Variants in TMEM186 observed in about 807,000 individuals in gnomAD.
TMEM186 encodes the protein chromosome 16 open reading frame 51.
In TMEM186, 2 loss-of-function variants were observed where a neutral mutation model predicts 2.5. The observed-to-expected ratio is 0.79, with a 90% CI of 0.32 to 2.50. TMEM186 has a LOEUF of 2.50. Ranked by LOEUF, TMEM186 falls within the 30% of genes most tolerant of loss-of-function variation. TMEM186 has a pLI of 0.11. For missense variants in TMEM186, 321 were observed against 276.5 expected (o/e 1.16, Z -1.14); for synonymous variants, 120 against 104.9 (o/e 1.14, Z -0.88).
Position 8,796,251 on chromosome 16 carries a change from T to C in TMEM186, c.343A>G (p.Thr115Ala), listed in dbSNP as rs747758715. ...LMSGISGFAL[T>A]MLCWMSYFLR... ...AAATAGCTCATCCAGCACAGCATGG[T>C]CAGGGCAAAGCCCGATATCCCACTC... Residue 115 changes from threonine to alanine, a missense_variant, in exon 2 of 2, where the codon ACC becomes GCC. Coordinates refer to ENST00000333050, the MANE Select transcript of TMEM186 (RefSeq NM_015421.4). The C allele has an allele frequency of 2.5e-6, 4 of 1,614,174 alleles. No homozygotes were observed. The African/African-American group carries it at 4.0e-5, about 16-fold the overall frequency.
chr16:8,796,330 T>C lies in TMEM186; in HGVS notation c.264A>G (p.Pro88=). The change falls in exon 2 of 2, where the codon CCA becomes CCG. Residue 88 remains proline, a synonymous_variant. Transcript: ENST00000333050. ...QTALTVVALP[P]GYYLYSQGLL... ...GGCCCTGGGAGTACAAGTAATAGCC[T>C]GGTGGCAAAGCTACCACTGTCAGGG... The C allele has an allele frequency of 1.2e-6, 2 of 1,614,236 alleles. No individual in the cohort carries two copies. Among genetic ancestry groups the C allele is most frequent in the Non-Finnish European group, 1.7e-6 (2 of 1,180,046 alleles).
At position 8,795,985 on chromosome 16, in the gene TMEM186, T is replaced by C. The variant is rs780212956; in HGVS notation, c.609A>G (p.Thr203=). The C allele has an allele frequency of 5.6e-5, 90 of 1,613,950 alleles. No homozygotes were observed. The highest frequency in any genetic ancestry group is 6.7e-5 in the Non-Finnish European group (79 of 1,179,962). The change falls in exon 2 of 2, where the codon ACA becomes ACG. Residue 203 remains threonine, a synonymous_variant. Coordinates refer to ENST00000333050, the MANE Select transcript of TMEM186 (RefSeq NM_015421.4). The stretch of plus-strand genomic sequence containing the variant: ...GCATCTGATGTACCCCAAACACCTG[T>C]GTGAAACGCTCTCTGTCCAGGATGC... ...YGRILDRERF[T]QVFGVHQMLK
chr16:8,797,133 T>C (rs2060581821), intron 1 of TMEM186, among the ~76,000 whole-genome samples: 1 of 152,200 alleles, frequency 6.6e-6, no homozygotes, highest in Non-Finnish European at 1.5e-5. Context: ...AACTGCTGCT[T>C]TCTCTTAGCC....
intron 1 of TMEM186, among the ~76,000 whole-genome samples, 184 bp downstream of exon 1, chr16:8,797,428 A>T (rs549363972): frequency 1.4e-5 from 2 of 140,694 alleles, no homozygotes; most frequent in Admixed American, 1.4e-4. Context: ...AGCTACTACT[A>T]CTGTGCGCAT....
At chr16:8,797,509 G>C (rs2060584339) in intron 1 of TMEM186, 103 bp downstream of exon 1, 1 of 1,417,228 alleles carries the variant, frequency 7.1e-7, no homozygotes, top group Admixed American at 2.1e-5. Flanking sequence ...TCCTCCCACG[G>C]ATCCTCGGAG....
chr16:8,795,968 T>C lies in TMEM186; in HGVS notation c.626A>G (p.His209Arg), dbSNP rs202141985. Residue 209 changes from histidine (H) to arginine (R), a missense_variant, in exon 2 of 2, where the codon CAT becomes CGT. Physicochemically the swap from His to Arg is conservative, Grantham distance 29. Coordinates refer to ENST00000333050, the MANE Select transcript of TMEM186 (RefSeq NM_015421.4). ...RERFTQVFGV[H>R]QMLK ...CCCAGTTGTTCACTTGAGCATCTGATGTACCCCAAACACCTGTGTGAAACG... is the reference window on the plus strand; with the variant it reads ...CCCAGTTGTTCACTTGAGCATCTGACGTACCCCAAACACCTGTGTGAAACG... The C allele has an allele frequency of 2.4e-5, 39 of 1,612,886 alleles. No homozygotes were observed. Among genetic ancestry groups the C allele is most frequent in the Admixed American group, 1.7e-5 (1 of 59,956 alleles).
At chr16:8,797,530 G>C (rs948870659) in intron 1 of TMEM186, 82 bp downstream of exon 1, 55 of 1,514,348 alleles carry the variant, frequency 3.6e-5, no homozygotes, top group Non-Finnish European at 4.4e-5. Flanking sequence ...TCCGAAACCC[G>C]AGCGTCGGGC....
Position 8,796,022 on chromosome 16 carries a change from A to T in TMEM186, c.572T>A (p.Leu191Gln). The change falls in exon 2 of 2, where the codon CTG (leucine) becomes CAG (glutamine). Residue 191 changes from leucine (L) to glutamine (Q), a missense_variant. By Grantham distance (113) the Leu-to-Gln change is moderately radical. Transcript: ENST00000333050. ...YSGKQTFYVT[L>Q]RYGRILDRER... ...TCTGTCCAGGATGCGTCCATAGCGCAGGGTGACGTAGAAGGTCTGTTTCCC... is the reference window on the plus strand; with the variant it reads ...TCTGTCCAGGATGCGTCCATAGCGCTGGGTGACGTAGAAGGTCTGTTTCCC... 6.2e-7 allele frequency: 1 copy of T among 1,614,216 alleles called. No individual in the cohort carries two copies. The highest frequency in any genetic ancestry group is 8.5e-7 in the Non-Finnish European group (1 of 1,180,036).
chr16:8,796,690 C>T, intron 1 of TMEM186, 100 bp from the exon 2 acceptor site: 1 of 1,419,698 alleles, frequency 7.0e-7, no homozygotes. Context: ...TTCTGCCAAT[C>T]CTGCAAGGTA....
chr16:8,797,557 T>G, intron 1 of TMEM186, 55 bp downstream of exon 1: 37 of 1,163,334 alleles, frequency 3.2e-5, no homozygotes, highest in Non-Finnish European at 4.3e-5. Context: ...GCCCCAGCCC[T>G]GACCCCGACC....
At chr16:8,796,716 C>T (rs1252577276) in intron 1 of TMEM186, 126 bp from the exon 2 acceptor site, 9 of 1,213,984 alleles carry the variant, frequency 7.4e-6, no homozygotes, top group Non-Finnish European at 9.0e-6. Context: ...TATTGCCAGA[C>T]GAGGGAAGGG....
chr16:8,796,112 A>G lies in TMEM186; in HGVS notation c.482T>C (p.Val161Ala). The G allele has an allele frequency of 1.2e-6, 2 of 1,614,232 alleles. No homozygotes were observed. Among genetic ancestry groups the G allele is most frequent in the Non-Finnish European group, 1.7e-6 (2 of 1,180,046 alleles). Residue 161 changes from valine to alanine, a missense_variant, in exon 2 of 2, where the codon GTG becomes GCG. Val to Ala is a moderately conservative substitution (Grantham distance 64). Transcript: ENST00000333050. ...GTCCTTGGTTTCTGTCAGGGGAATC[A>G]CATCTGCCATGGGACAGTATGTGTC... is the stretch of plus-strand genomic sequence containing the variant. Reference protein sequence around the residue: ...RQDTYCPMADVIPLTETKDRP... With the variant: ...RQDTYCPMADAIPLTETKDRP...
At chr16:8,797,550 C>T in intron 1 of TMEM186, 62 bp downstream of exon 1, 1 of 1,564,080 alleles carries the variant, frequency 6.4e-7, no homozygotes, top group Non-Finnish European at 8.7e-7. Context: ...CCTGCCCGCC[C>T]CAGCCCTGAC....
chr16:8,795,910 C>G lies in TMEM186; in HGVS notation c.*42G>C, dbSNP rs546815584. 1.3e-6 allele frequency: 2 copies of G among 1,573,276 alleles called. No homozygotes were observed. Among genetic ancestry groups the G allele is most frequent in the African/African-American group, 2.7e-5 (2 of 74,140 alleles). ...CCACACCCTCAGCCTTCCTGTTAATCCAGGCGACCCAGGGTTACCCAGAGG... is the reference window on the plus strand; with the variant it reads ...CCACACCCTCAGCCTTCCTGTTAATGCAGGCGACCCAGGGTTACCCAGAGG... On this transcript the variant is annotated 3_prime_UTR_variant, in exon 2 of 2. Transcript: ENST00000333050.
intron 1 of TMEM186, 81 bp from the exon 2 acceptor site, chr16:8,796,671 C>T: frequency 6.7e-7 from 1 of 1,502,336 alleles, no homozygotes; most frequent in Non-Finnish European, 8.9e-7. Flanking sequence ...AAGCACCATA[C>T]TCTAAGGCTT....
At chr16:8,797,148 C>A (rs886268919) in intron 1 of TMEM186, among the ~76,000 whole-genome samples, 1 of 152,114 alleles carries the variant, frequency 6.6e-6, no homozygotes, top group Non-Finnish European at 1.5e-5. Context: ...TTAGCCTAGT[C>A]TGGGGAAGGG....
chr16:8,796,674 TA>T (rs2060578601), intron 1 of TMEM186, 84 bp from the exon 2 acceptor site: 1 of 1,489,082 alleles, frequency 6.7e-7, no homozygotes, highest in Non-Finnish European at 9.0e-7. Flanking sequence ...CACCATACTC[TA>T]AGGCTTCTGC....
Position 8,795,680 on chromosome 16 carries a change from T to G in TMEM186, c.*272A>C. The G allele has an allele frequency of 2.5e-6, 1 of 405,768 alleles. No individual in the cohort carries two copies. 25.1% of individuals were successfully genotyped at this position (405,768 alleles called of 1,614,324 possible). ...ACTCTATGGGTGACCTTGGCATAGG[T>G]TCTTCTAAGAACTGGCTCTTAACAA... On this transcript the variant is annotated 3_prime_UTR_variant, in exon 2 of 2. Transcript: ENST00000333050.
Position 8,796,156 on chromosome 16 carries a change from G to T in TMEM186, c.438C>A (p.Asn146Lys). The T allele has an allele frequency of 8.1e-6, 13 of 1,614,240 alleles. No homozygotes were observed. Among genetic ancestry groups the T allele is most frequent in the Non-Finnish European group, 1.1e-5 (13 of 1,180,048 alleles). Residue 146 changes from asparagine to lysine, a missense_variant, in exon 2 of 2, where the codon AAC becomes AAA. Asn to Lys is a moderately conservative substitution (Grantham distance 94, BLOSUM62 0). Transcript: ENST00000333050. ...ATGTGTCCTGCCGCCAGCCCCAGAA[G>T]TTCAGATGGGCCACCCGCAGCATGG... Reference protein sequence around the residue: ...SGTMLRVAHLNFWGWRQDTYC... With the variant: ...SGTMLRVAHLKFWGWRQDTYC...
Sources: gnomAD v4.1 joint callset for allele counts (sites outside exome capture counted in the v4.1 genomes callset) on GRCh38, gnomAD v4.1.1 for gene constraint, MANE v1.5 for transcripts, NCBI Gene and HGNC (gene_info 2026-07-23, HGNC 2026-07-21) for gene names.